SLC29A3: variants seen among roughly 807,000 people sequenced by gnomAD.
SLC29A3 encodes equilibrative nucleoside transporter 3.
Under a neutral mutation model 25.4 loss-of-function variants are expected in SLC29A3, and 18 were observed. The observed-to-expected ratio is 0.71, with a 90% CI of 0.49 to 1.05. The LOEUF (loss-of-function observed/expected upper bound fraction) is 1.05, where lower values mean the gene tolerates loss of function less well. Among genes scored for constraint, SLC29A3 ranks in the 50% least tolerant of loss-of-function variants. SLC29A3 has a pLI of 0.00. For synonymous variants in SLC29A3, 258 were observed against 267.1 expected (o/e 0.97, Z 0.33); for missense variants, 586 against 609.0 (o/e 0.96, Z 0.40).
At chr10:71,337,502 C>T (rs528295491) in intron 2 of SLC29A3, among the ~76,000 whole-genome samples, 1 of 152,386 alleles carries the variant, frequency 6.6e-6, no homozygotes, top group African/African-American at 2.4e-5. Context: ...CTGCCACCCC[C>T]AGGCTTGAAT....
downstream of SLC29A3, among the ~76,000 whole-genome samples, chr10:71,366,552 T>C (rs980859114): frequency 3.3e-5 from 5 of 152,192 alleles, no homozygotes; most frequent in Non-Finnish European, 7.3e-5. Context: ...CAGGGATTTC[T>C]GAGAACATGC....
At chr10:71,371,566 G>T (rs1356738544) in intron 3 of SLC29A3, among the ~76,000 whole-genome samples, 1 of 152,200 alleles carries the variant, frequency 6.6e-6, no homozygotes, top group Non-Finnish European at 1.5e-5. Context: ...GACCCGTCCT[G>T]TTTAATGGTG....
chr10:71,370,854 T>C (rs1218234797), intron 3 of SLC29A3, among the ~76,000 whole-genome samples: 1 of 152,220 alleles, frequency 6.6e-6, no homozygotes, highest in Non-Finnish European at 1.5e-5. Flanking sequence ...CTGATATCAT[T>C]TGTAAAGATC....
chr10:71,363,087 T>G lies in SLC29A3; in HGVS notation c.*479T>G. Reference sequence around the variant, plus strand: ...AATGGAAGTCCCCTGGCATGGTCAGTCCTCAGGCCCAAGACTCAAGTGTGC... The same window carrying G: ...AATGGAAGTCCCCTGGCATGGTCAGGCCTCAGGCCCAAGACTCAAGTGTGC... On this transcript the variant is annotated 3_prime_UTR_variant, in exon 6 of 6. Coordinates refer to ENST00000373189, the MANE Select transcript of SLC29A3 (RefSeq NM_018344.6). The G allele has an allele frequency of 2.2e-6, 1 of 449,666 alleles. No homozygotes were observed. The highest frequency in any genetic ancestry group is 4.5e-6 in the Non-Finnish European group (1 of 223,924). 27.9% of individuals were successfully genotyped at this position (449,666 alleles called of 1,614,324 possible).
chr10:71,351,108 G>T (rs1038254547), intron 3 of SLC29A3, among the ~76,000 whole-genome samples: 8 of 152,168 alleles, frequency 5.3e-5, no homozygotes, highest in African/African-American at 1.9e-4. Flanking sequence ...AAGCTCAGTG[G>T]GTGGCTGCTC....
At chr10:71,342,187 C>G (rs1052395289) in intron 2 of SLC29A3, among the ~76,000 whole-genome samples, 4 of 152,158 alleles carry the variant, frequency 2.6e-5, no homozygotes, top group African/African-American at 9.7e-5. Context: ...TTCCTATAGG[C>G]AAAAGCAGCA....
chr10:71,368,105 C>T (rs1325024758), downstream of SLC29A3, among the ~76,000 whole-genome samples: 2 of 152,074 alleles, frequency 1.3e-5, no homozygotes, highest in Admixed American at 6.5e-5. Flanking sequence ...TGGTACATGC[C>T]TATAGTCCCA....
chr10:71,335,928 A>G (rs1393752672), intron 2 of SLC29A3, among the ~76,000 whole-genome samples: 1 of 151,822 alleles, frequency 6.6e-6, no homozygotes, highest in Non-Finnish European at 1.5e-5. Context: ...TGGTGGAGGG[A>G]GCCAGAGGTG....
intron 3 of SLC29A3, among the ~76,000 whole-genome samples, chr10:71,369,093 G>A (rs1399346371): frequency 1.3e-5 from 2 of 152,300 alleles, no homozygotes; most frequent in African/African-American, 4.8e-5. Flanking sequence ...AGTCAACAGA[G>A]CTCCCTCACC....
At chr10:71,368,240 A>T (rs1451080922), downstream of SLC29A3, among the ~76,000 whole-genome samples, 2 of 152,048 alleles carry the variant, frequency 1.3e-5, no homozygotes, top group Admixed American at 1.3e-4. Context: ...GTCTCTAAAA[A>T]AAATAAAAAA....
chr10:71,334,490 C>T (rs1364536716), intron 2 of SLC29A3, among the ~76,000 whole-genome samples: 1 of 152,180 alleles, frequency 6.6e-6, no homozygotes, highest in Admixed American at 6.5e-5. Context: ...CACTGCCTGG[C>T]CTATTATCTA....
At chr10:71,336,793 G>T (rs759767577) in intron 2 of SLC29A3, among the ~76,000 whole-genome samples, 1 of 152,042 alleles carries the variant, frequency 6.6e-6, no homozygotes, top group African/African-American at 2.4e-5. Flanking sequence ...GAGGAAGGCG[G>T]GGAAGCTCAT....
rs1235160952 is a variant in SLC29A3, at chr10:71,322,938, A to G, written c.184A>G (p.Ile62Val). ...ATACATCATCTTCTTCAGCCTGGGCATTGGCAGTCTACTGCCATGGAACTT... is the reference window on the plus strand; with the variant it reads ...ATACATCATCTTCTTCAGCCTGGGCGTTGGCAGTCTACTGCCATGGAACTT... ...GTYIIFFSLG[I>V]GSLLPWNFFI... Residue 62 changes from isoleucine (I) to valine (V), a missense_variant, in exon 2 of 6, where the codon ATT (isoleucine) becomes GTT (valine). Coordinates refer to ENST00000373189, the MANE Select transcript of SLC29A3 (RefSeq NM_018344.6). The G allele has an allele frequency of 6.2e-7, 1 of 1,614,174 alleles. No individual in the cohort carries two copies. The highest frequency in any genetic ancestry group is 8.5e-7 in the Non-Finnish European group (1 of 1,180,044).
chr10:71,343,010 C>T (rs1846453082), intron 2 of SLC29A3, among the ~76,000 whole-genome samples: 2 of 152,214 alleles, frequency 1.3e-5, no homozygotes, highest in Non-Finnish European at 1.5e-5. Flanking sequence ...GATGGGGTCT[C>T]ACTCTGTTGC....
At chr10:71,328,051 G>A (rs1846013367) in intron 2 of SLC29A3, among the ~76,000 whole-genome samples, 1 of 152,028 alleles carries the variant, frequency 6.6e-6, no homozygotes, top group Admixed American at 6.6e-5. Context: ...CCTTCTCCTG[G>A]CCATTCCTTG....
At chr10:71,343,540 C>T (rs943564513) in intron 2 of SLC29A3, among the ~76,000 whole-genome samples, 2 of 152,206 alleles carry the variant, frequency 1.3e-5, no homozygotes, top group African/African-American at 2.4e-5. Flanking sequence ...CCTTCTGTAG[C>T]TGCTCTATCA....
At chr10:71,364,851 G>C (rs1847154289), downstream of SLC29A3, 1 of 152,196 alleles carries the variant, frequency 6.6e-6, no homozygotes, top group Admixed American at 6.5e-5. Context: ...TCTCCCCCTT[G>C]GTTTTTTCAT....
At chr10:71,365,671 A>C (rs1002256614), downstream of SLC29A3, 2 of 152,058 alleles carry the variant, frequency 1.3e-5, no homozygotes, top group African/African-American at 4.8e-5. Context: ...GGAGGGAGGA[A>C]GGAAAATAAA....
rs3059614 is a variant in SLC29A3, at chr10:71,329,457, C to CG, written c.300+6403_300+6404insG. 4.7e-3 allele frequency among the ~76,000 whole-genome samples: 563 copies of CG among 120,478 alleles called. 17 individuals carry two copies. Among genetic ancestry groups the CG allele is most frequent in the African/African-American group, 0.014 (500 of 34,672 alleles). 79.0% of individuals were successfully genotyped at this position (120,478 alleles called of 152,430 possible). ...TGGGCAACAGAGCAAGACTCTGTCT[C>CG]AAAAAAAAAAAAAAAAGAAAAGAAA... On this transcript the variant is annotated intron_variant, in intron 2 of 5. Coordinates refer to ENST00000373189, the MANE Select transcript of SLC29A3 (RefSeq NM_018344.6).
Sources: gnomAD v4.1 joint callset for allele counts (sites outside exome capture counted in the v4.1 genomes callset) on GRCh38, gnomAD v4.1.1 for gene constraint, MANE v1.5 for transcripts, NCBI Gene and HGNC (gene_info 2026-07-23, HGNC 2026-07-21) for gene names.